The following PABPC1 variants were observed in gnomAD, a reference collection of about 807,000 sequenced individuals.
PABPC1 encodes poly(A) binding protein cytoplasmic 1.
Under a neutral mutation model 74.0 loss-of-function variants are expected in PABPC1, and 4 were observed. The ratio of observed to expected loss-of-function variants is 0.05; its 90% confidence interval spans 0.03 to 0.12. PABPC1 has a LOEUF of 0.12. PABPC1 is among the 10% of genes least tolerant of loss of function. PABPC1 has a pLI of 1.00. For synonymous variants in PABPC1, 227 were observed against 264.1 expected, an observed-to-expected ratio of 0.86 and a Z score of 1.36; for missense variants, 271 against 821.1, an observed-to-expected ratio of 0.33 and a Z score of 8.19.
rs1810478277 is a variant in PABPC1 at position 100,709,741 on chromosome 8, A to C, written c.973-10T>G. ...CACCCTCCATCATAACCTATTAAAA[A>C]AAAGAAAAAAAAAGTTAACGTAATG... On this transcript the variant is annotated splice_polypyrimidine_tract_variant and intron_variant, in intron 7 of 14. Transcript: ENST00000318607. The C allele has an allele frequency of 6.7e-7, 1 of 1,492,832 alleles. No individual in the cohort carries two copies. Among genetic ancestry groups the C allele is most frequent in the Non-Finnish European group, 8.9e-7 (1 of 1,117,444 alleles). 92.5% of individuals were successfully genotyped at this position (1,492,832 alleles called of 1,614,324 possible).
At chr8:100,703,663 A>C (rs962417730) in intron 14 of PABPC1, among the ~76,000 whole-genome samples, 1 of 152,148 alleles carries the variant, frequency 6.6e-6, no homozygotes, top group Admixed American at 6.6e-5. Context: ...GGAGTGATGA[A>C]AGACAGTAGT....
At chr8:100,713,694 C>G (rs906172828) in intron 4 of PABPC1, among the ~76,000 whole-genome samples, 5 of 152,128 alleles carry the variant, frequency 3.3e-5, no homozygotes, top group Non-Finnish European at 7.3e-5. Flanking sequence ...TGCTATGTTG[C>G]CCGGGCTAGT....
intron 9 of PABPC1, chr8:100,707,250 C>G (rs559485208): frequency 3.1e-6 from 1 of 322,832 alleles, no homozygotes; most frequent in Non-Finnish European, 5.9e-6. Context: ...CTGTATGCAG[C>G]GACGAGAGAG....
intron 3 of PABPC1, among the ~76,000 whole-genome samples, chr8:100,716,296 G>A (rs1489597447): frequency 6.6e-6 from 1 of 152,180 alleles, no homozygotes; most frequent in Admixed American, 6.5e-5. Context: ...ACCTACTTGG[G>A]AGGCTGAAGC....
chr8:100,715,961 C>T (rs1034480732), intron 3 of PABPC1, among the ~76,000 whole-genome samples: 5 of 152,206 alleles, frequency 3.3e-5, no homozygotes, highest in Admixed American at 2.6e-4. Flanking sequence ...TTTAAAGTGG[C>T]GCTTGCGCTT....
At chr8:100,711,408 A>T (rs1810524602) in intron 7 of PABPC1, among the ~76,000 whole-genome samples, 1 of 152,260 alleles carries the variant, frequency 6.6e-6, no homozygotes, top group African/African-American at 2.4e-5. Context: ...GGAAAGGCTG[A>T]GGCTGCAGTG....
At chr8:100,720,159 G>C (rs1308508523) in intron 1 of PABPC1, among the ~76,000 whole-genome samples, 3 of 151,920 alleles carry the variant, frequency 2.0e-5, no homozygotes, top group African/African-American at 7.3e-5. Flanking sequence ...CCAGCCTGTA[G>C]GGGGGGAAAA....
rs1563609044 is a variant in PABPC1 at position 100,705,681 on chromosome 8, G to A, written c.1603-8C>T. 2.6e-6 allele frequency: 4 copies of A among 1,536,936 alleles called. No individual in the cohort carries two copies. In the African/African-American group the frequency reaches 4.1e-5, roughly 16 times the overall value. Reference sequence around the variant, plus strand: ...TTGTACATGAACAGCAGGCTAGACAGAAAATGAGAACTCTTAAGTTTAAAG... The same window carrying A: ...TTGTACATGAACAGCAGGCTAGACAAAAAATGAGAACTCTTAAGTTTAAAG... On this transcript the variant is annotated splice_polypyrimidine_tract_variant and splice_region_variant and intron_variant, in intron 11 of 14. Transcript: ENST00000318607.
At chr8:100,713,802 T>C (rs1810591840) in intron 4 of PABPC1, among the ~76,000 whole-genome samples, 3 of 152,172 alleles carry the variant, frequency 2.0e-5, no homozygotes, top group Admixed American at 6.5e-5. Flanking sequence ...TGATTTTCTT[T>C]GTATCAATTA....
At chr8:100,712,923 G>T in intron 5 of PABPC1, 134 bp from the exon 6 acceptor site, 1 of 1,153,728 alleles carries the variant, frequency 8.7e-7, no homozygotes. Flanking sequence ...CAAGGTTTTG[G>T]GACAATATAG....
rs2129775029 is a variant in PABPC1 at position 100,721,869 on chromosome 8, C to T, written c.-286G>A. Reference sequence around the variant, plus strand: ...CTTGGAGCTGCTGCGGGGCCGCGGGCGGGCGGGTCGGTCTCGGCTGCTTCA... The same window carrying T: ...CTTGGAGCTGCTGCGGGGCCGCGGGTGGGCGGGTCGGTCTCGGCTGCTTCA... On this transcript the variant is annotated 5_prime_UTR_variant, in exon 1 of 15. Coordinates refer to ENST00000318607, the MANE Select transcript of PABPC1 (RefSeq NM_002568.4). The surrounding 1 kb of genome is among the most constrained non-coding windows in gnomAD (Gnocchi z 7.4). 2 of 330,036 alleles carry T rather than the reference C, an allele frequency of 6.1e-6. No individual in the cohort carries two copies. The highest frequency in any genetic ancestry group is 4.6e-5 in the East Asian group (1 of 21,514). 20.4% of individuals were successfully genotyped at this position (330,036 alleles called of 1,614,324 possible).
chr8:100,720,167 A>G (rs1427019809), intron 1 of PABPC1, among the ~76,000 whole-genome samples: 3 of 151,898 alleles, frequency 2.0e-5, no homozygotes, highest in African/African-American at 7.3e-5. Context: ...TAGGGGGGGA[A>G]AAAGGCAAAA....
intron 9 of PABPC1, 195 bp from the exon 10 acceptor site, chr8:100,707,192 G>A (rs1174295204): frequency 3.1e-5 from 15 of 481,986 alleles, no homozygotes; most frequent in East Asian, 8.0e-5. Flanking sequence ...ATACAAGGAC[G>A]AGTACTTATA....
chr8:100,717,300 C>T (rs1365732639), intron 3 of PABPC1, among the ~76,000 whole-genome samples: 4 of 152,182 alleles, frequency 2.6e-5, no homozygotes, highest in African/African-American at 7.2e-5. Context: ...TGAGCCACCG[C>T]GCCCGGACTT....
At chr8:100,710,436 T>C (rs1810497874) in intron 7 of PABPC1, among the ~76,000 whole-genome samples, 1 of 152,190 alleles carries the variant, frequency 6.6e-6, no homozygotes, top group African/African-American at 2.4e-5. Context: ...CAAGCAATTA[T>C]GGGAATTCAC....
In PABPC1 at chr8:100,721,300, CCCCGGGCCCGCCGGCCTA is replaced by C. The variant is rs904573326; in HGVS notation, c.193+73_193+90del. On this transcript the variant is annotated intron_variant, in intron 1 of 14. Transcript: ENST00000318607. This position sits in a 1 kb window ranked among gnomAD's most constrained non-coding sequence, Gnocchi z 7.4. ...GGGTGACATGCCCTCCCGCCCCCCT[CCCCGGGCCCGCCGGCCTA>C]CCCCGCCCGCCGCCGCCGCCCGAGC... The C allele has an allele frequency of 1.9e-6, 1 of 536,408 alleles. No individual in the cohort carries two copies. The highest frequency in any genetic ancestry group is 2.5e-6 in the Non-Finnish European group (1 of 400,324). The allele number at this position is 536,408 out of a possible 1,614,324, so 33.2% of individuals were successfully genotyped here.
rs148980063 is a variant in PABPC1 at position 100,703,585 on chromosome 8, T to C, written c.*2-226A>G. Among the ~76,000 whole-genome samples, 200 of 152,308 alleles carry C rather than the reference T, an allele frequency of 1.3e-3. 3 individuals are homozygous for C. The East Asian group carries it at 0.035, about 26-fold the overall frequency. ...TCCTCAAAGCCCAAAATATTTCCTA[T>C]CTGGCCCTTTACAAAAAACATTTGC... On this transcript the variant is annotated intron_variant, in intron 14 of 14. Coordinates refer to ENST00000318607, the MANE Select transcript of PABPC1 (RefSeq NM_002568.4).
At chr8:100,706,182 CGTG>C (rs893198584) in intron 11 of PABPC1, among the ~76,000 whole-genome samples, 3 of 152,192 alleles carry the variant, frequency 2.0e-5, no homozygotes, top group African/African-American at 7.2e-5. Flanking sequence ...TCAGACCAGG[CGTG>C]GTGATTTAGG....
intron 2 of PABPC1, 90 bp downstream of exon 2, chr8:100,717,997 G>A: frequency 2.3e-6 from 3 of 1,325,088 alleles, no homozygotes; most frequent in South Asian, 1.2e-5. Flanking sequence ...GTGAAATAAA[G>A]ATATCCATTA....
Sources: allele counts gnomAD v4.1 joint callset (sites outside exome capture counted in the v4.1 genomes callset), GRCh38; gene constraint gnomAD v4.1.1; non-coding constraint Gnocchi (gnomAD v3.1); transcripts MANE v1.5; gene names NCBI Gene and HGNC (gene_info 2026-07-23, HGNC 2026-07-21).